UBR3: variants seen among roughly 807,000 people sequenced by gnomAD.
UBR3 encodes ubiquitin protein ligase E3 component n-recognin 3.
A neutral mutation model predicts 243.2 loss-of-function variants in UBR3; 85 were observed. The observed-to-expected ratio is 0.35, with a 90% CI of 0.29 to 0.42. The LOEUF is 0.42. Among genes scored for constraint, UBR3 ranks in the 10% least tolerant of loss-of-function variants. UBR3 has a pLI of 1.00. For missense variants in UBR3, 1,686 were observed against 2,300.8 expected, an observed-to-expected ratio of 0.73 and a Z score of 5.47; for synonymous variants, 748 against 799.8, an observed-to-expected ratio of 0.94 and a Z score of 1.09.
rs1402572654 is a variant in UBR3 at position 169,947,663 on chromosome 2, TAAAG to T, written c.3034_3037del (p.Lys1012GlufsTer26). On this transcript the variant is annotated frameshift_variant, in exon 22 of 39. Transcript: ENST00000272793. LOFTEE classifies it high-confidence loss of function. ...AGAGTTCCAGAGACTGCTCCTGAAGTAAAGAGAGACTCACCTGCAAGTACTAGCT... is the reference window on the plus strand; with the variant it reads ...AGAGTTCCAGAGACTGCTCCTGAAGTAGAGACTCACCTGCAAGTACTAGCT... The T allele has an allele frequency of 6.5e-7, 1 of 1,538,464 alleles. No individual in the cohort carries two copies. The highest frequency in any genetic ancestry group is 8.8e-7 in the Non-Finnish European group (1 of 1,141,022).
chr2:169,917,576 T>C (rs186052304), intron 11 of UBR3, among the ~76,000 whole-genome samples: 276 of 152,312 alleles, frequency 1.8e-3, no homozygotes, highest in African/African-American at 6.3e-3. Flanking sequence ...TAGGAAATAG[T>C]GTATCTGTTT....
At chr2:169,934,017 T>A (rs1303880790) in intron 19 of UBR3, among the ~76,000 whole-genome samples, 1 of 152,240 alleles carries the variant, frequency 6.6e-6, no homozygotes, top group African/African-American at 2.4e-5. Flanking sequence ...GCTTTTCATA[T>A]AGTTTTGTAA....
Position 169,872,066 on chromosome 2 carries a change from AT to A in UBR3, c.546-164del. Among the ~76,000 whole-genome samples, 4 of 152,228 alleles carry A rather than the reference AT, an allele frequency of 2.6e-5. 1 individual carries two copies. The highest frequency in any genetic ancestry group is 2.6e-4 in the Admixed American group (4 of 15,284). On this transcript the variant is annotated intron_variant, in intron 1 of 38. Coordinates refer to ENST00000272793, the MANE Select transcript of UBR3 (RefSeq NM_172070.4). ...CTTGGGAAAAATATACCTGAGTGCC[AT>A]TTTTTGTATAAACACTGGTTTAAAA... is the stretch of plus-strand genomic sequence containing the variant.
chr2:169,925,943 A>G (rs986077690), intron 14 of UBR3, among the ~76,000 whole-genome samples, 196 bp downstream of exon 14: 1 of 152,210 alleles, frequency 6.6e-6, no homozygotes, highest in African/African-American at 2.4e-5. Flanking sequence ...GATTTTGGTC[A>G]AGAGGCAGAA....
chr2:170,061,165 A>T lies in UBR3; in HGVS notation c.4872A>T (p.Glu1624Asp). 1 of 1,596,778 alleles carries T rather than the reference A, an allele frequency of 6.3e-7. No homozygotes were observed. The highest frequency in any genetic ancestry group is 1.4e-5 in the African/African-American group (1 of 73,922). ...ELFKGKLYHE[E>D]GTQECAMVNP... ...TTAAAGGAAAGTTATACCATGAAGA[A>T]GGAACTCAGGAATGTGCAATGGTAT... The change falls in exon 34 of 39, where the codon GAA (glutamate) becomes GAT (aspartate). Residue 1624 changes from glutamate (E) to aspartate (D), a missense_variant. Around this residue, in one of 8 missense-constraint regions of UBR3, gnomAD observed 371 missense variants for 422.5 expected, o/e 0.88. Transcript: ENST00000272793.
intron 11 of UBR3, among the ~76,000 whole-genome samples, chr2:169,922,728 CT>C (rs2085755346): frequency 6.6e-6 from 1 of 152,032 alleles, no homozygotes; most frequent in Non-Finnish European, 1.5e-5. Context: ...GCTTATTTTA[CT>C]TAGCATAATA....
intron 23 of UBR3, among the ~76,000 whole-genome samples, chr2:169,957,638 C>A (rs942316976): frequency 1.3e-5 from 2 of 151,708 alleles, no homozygotes; most frequent in Non-Finnish European, 2.9e-5. Flanking sequence ...GTGCAGCACA[C>A]CAACATGGCA....
chr2:169,927,477 A>G, intron 17 of UBR3, 72 bp downstream of exon 17: 3 of 1,184,158 alleles, frequency 2.5e-6, no homozygotes, highest in Non-Finnish European at 1.2e-6. Context: ...TTAATAGTTT[A>G]TCAATTTTTT....
intron 27 of UBR3, among the ~76,000 whole-genome samples, chr2:170,001,911 T>A (rs1464063872): frequency 1.7e-3 from 13 of 7,672 alleles, no homozygotes; most frequent in Admixed American, 2.6e-3. Context: ...AGACTCCATC[T>A]CAAAAAAAAA....
At chr2:169,848,173 A>G (rs1042362024) in intron 1 of UBR3, among the ~76,000 whole-genome samples, 6 of 152,148 alleles carry the variant, frequency 3.9e-5, no homozygotes, top group African/African-American at 1.2e-4. Flanking sequence ...CTGATGTCCA[A>G]TATCTTGAAA....
chr2:170,079,365 G>GA (rs1451430744), intron 36 of UBR3, among the ~76,000 whole-genome samples: 1 of 151,970 alleles, frequency 6.6e-6, no homozygotes, highest in African/African-American at 2.4e-5. Flanking sequence ...TATTAAAGTA[G>GA]AAAAAATGAG....
At chr2:170,002,792 A>G (rs571743703) in intron 27 of UBR3, among the ~76,000 whole-genome samples, 17 of 152,218 alleles carry the variant, frequency 1.1e-4, no homozygotes, top group African/African-American at 3.9e-4. Context: ...CCTGGATGTT[A>G]CATTTTCTTA....
intron 1 of UBR3, among the ~76,000 whole-genome samples, chr2:169,829,037 G>A (rs570969300): frequency 6.6e-6 from 1 of 152,312 alleles, no homozygotes; most frequent in Admixed American, 6.5e-5. Context: ...ATGGGCAGTA[G>A]TTGAAAGAAT....
chr2:169,908,520 T>C (rs1026289316), intron 10 of UBR3, among the ~76,000 whole-genome samples: 4 of 152,218 alleles, frequency 2.6e-5, no homozygotes, highest in African/African-American at 9.6e-5. Flanking sequence ...ATTGTTTAGA[T>C]GCTTAAGTTT....
chr2:169,828,527 T>C (rs184786484), intron 1 of UBR3, among the ~76,000 whole-genome samples: 21 of 151,996 alleles, frequency 1.4e-4, no homozygotes, highest in African/African-American at 4.8e-4. Context: ...GGTGGTCTTG[T>C]ACGTGCAGGG....
At chr2:169,845,670 C>T (rs911211122) in intron 1 of UBR3, among the ~76,000 whole-genome samples, 1 of 151,434 alleles carries the variant, frequency 6.6e-6, no homozygotes, top group Admixed American at 6.6e-5. Flanking sequence ...ACTGCAGCCT[C>T]CATCTCCCGG....
chr2:169,843,916 G>T (rs2082379015), intron 1 of UBR3, among the ~76,000 whole-genome samples: 1 of 151,698 alleles, frequency 6.6e-6, no homozygotes, highest in Admixed American at 6.6e-5. Context: ...AACAATCTAG[G>T]TTTGGAATAT....
At chr2:170,024,681 T>A (rs1049050439) in intron 30 of UBR3, among the ~76,000 whole-genome samples, 1 of 152,134 alleles carries the variant, frequency 6.6e-6, no homozygotes, top group African/African-American at 2.4e-5. Context: ...TCTTAAACCT[T>A]ACTTTTTGGT....
chr2:170,024,612 T>G (rs1189741568), intron 30 of UBR3, among the ~76,000 whole-genome samples: 1 of 152,088 alleles, frequency 6.6e-6, no homozygotes, highest in Non-Finnish European at 1.5e-5. Context: ...TATTTTTATT[T>G]TATAGAGTTT....
Sources: allele counts gnomAD v4.1 joint callset (sites outside exome capture counted in the v4.1 genomes callset), GRCh38; gene constraint gnomAD v4.1.1; regional missense constraint gnomAD v4.1.1; transcripts MANE v1.5; gene names NCBI Gene and HGNC (gene_info 2026-07-23, HGNC 2026-07-21).